CUBN: variants seen among roughly 807,000 people sequenced by gnomAD.
CUBN encodes 460 kDa receptor.
In CUBN, 282 loss-of-function variants were observed where a neutral mutation model predicts 405.3. The observed-to-expected ratio is 0.70, with a 90% CI of 0.63 to 0.77. The LOEUF is 0.77. Among genes scored for constraint, CUBN ranks in the 30% least tolerant of loss-of-function variants. The pLI is 0.00. For synonymous variants in CUBN, 1,684 were observed against 1,617.0 expected (o/e 1.04, Z -0.99); for missense variants, 4,514 against 4,475.2 (o/e 1.01, Z -0.25).
chr10:17,007,664 G>A (rs1021755558), intron 28 of CUBN, among the ~76,000 whole-genome samples: 3 of 152,132 alleles, frequency 2.0e-5, no homozygotes, highest in Non-Finnish European at 4.4e-5. Flanking sequence ...AAGGTGATAG[G>A]ATTCTGAGGA....
At chr10:17,055,096 G>A (rs1172128320) in intron 22 of CUBN, among the ~76,000 whole-genome samples, 1 of 152,028 alleles carries the variant, frequency 6.6e-6, no homozygotes, top group Non-Finnish European at 1.5e-5. Flanking sequence ...ACCAGGTGGA[G>A]TTCTGATGTA....
chr10:17,017,299 G>C (rs1010600650), intron 28 of CUBN, among the ~76,000 whole-genome samples: 4 of 152,128 alleles, frequency 2.6e-5, no homozygotes, highest in Non-Finnish European at 5.9e-5. Flanking sequence ...GTCAGATTTA[G>C]TGGCCCTTAT....
chr10:16,914,928 G>C, intron 47 of CUBN, 104 bp downstream of exon 47: 1 of 996,274 alleles, frequency 1.0e-6, no homozygotes, highest in Non-Finnish European at 1.5e-6. Flanking sequence ...GAAAATAGGG[G>C]TCATGTTTTG....
At chr10:16,840,573 A>G (rs1351640223) in intron 61 of CUBN, 38 bp from the exon 62 acceptor site, 2 of 1,465,292 alleles carry the variant, frequency 1.4e-6, no homozygotes, top group African/African-American at 1.4e-5. Context: ...GAGACATTTT[A>G]TTCATGTCTC....
intron 15 of CUBN, among the ~76,000 whole-genome samples, chr10:17,087,477 T>C (rs1836143926): frequency 1.0e-5 from 1 of 96,854 alleles, no homozygotes; most frequent in South Asian, 3.4e-4. Context: ...TTTTTCTTTT[T>C]TTTTTTTTTT....
rs753916162 is a variant in CUBN at position 16,990,194 on chromosome 10, C to T, written c.4350+140G>A. The T allele has an allele frequency of 4.4e-4, 375 of 850,074 alleles. 3 individuals carry two copies. Among genetic ancestry groups the T allele is most frequent in the Non-Finnish European group, 6.9e-4 (348 of 507,232 alleles). The allele number at this position is 850,074 out of a possible 1,614,324, so 52.7% of individuals were successfully genotyped here. A position where few individuals can be genotyped will look rare whatever the true frequency, so the allele number is the denominator to read the frequency against. ...ATTAATCCCATGTCTACCAAATGATCACCGAAGGGCTGATGCTCATTAAAA... is the reference window on the plus strand; with the variant it reads ...ATTAATCCCATGTCTACCAAATGATTACCGAAGGGCTGATGCTCATTAAAA... On this transcript the variant is annotated intron_variant, in intron 29 of 66. Coordinates refer to ENST00000377833, the MANE Select transcript of CUBN (RefSeq NM_001081.4).
In CUBN at chr10:17,085,626, C is replaced by A. The variant is rs140201182; in HGVS notation, c.2081G>T (p.Gly694Val). ...TGATGTTAAGTAGGTGATATGGAAG[C>A]CTTGGTCACTAATCTGGGAGTCTGA... The part of the protein sequence containing the change: ...FHSDSQISDQ[G>V]FHITYLTSPS... Residue 694 changes from glycine to valine, a missense_variant, in exon 16 of 67, where the codon GGC becomes GTC. Gly to Val is a moderately radical substitution (Grantham distance 109). This residue lies in a region of CUBN where 1,448 missense variants were observed against 1,388.0 expected (regional missense o/e 1.04). Coordinates refer to ENST00000377833, the MANE Select transcript of CUBN (RefSeq NM_001081.4). The A allele has an allele frequency of 1.9e-6, 3 of 1,614,102 alleles. No individual in the cohort carries two copies. Among genetic ancestry groups the A allele is most frequent in the Non-Finnish European group, 1.7e-6 (2 of 1,179,998 alleles).
At chr10:16,825,427 T>C (rs1026542996) in intron 66 of CUBN, among the ~76,000 whole-genome samples, 2 of 152,024 alleles carry the variant, frequency 1.3e-5, no homozygotes, top group Non-Finnish European at 2.9e-5. Flanking sequence ...AGGAGATGAA[T>C]TGGATGGTAT....
At chr10:17,022,610 C>G (rs1257035817) in intron 27 of CUBN, among the ~76,000 whole-genome samples, 1 of 152,134 alleles carries the variant, frequency 6.6e-6, no homozygotes, top group Non-Finnish European at 1.5e-5. Flanking sequence ...GGCGGAGAAA[C>G]CGGAGGGCGA....
intron 54 of CUBN, among the ~76,000 whole-genome samples, 167 bp from the exon 55 acceptor site, chr10:16,890,694 A>C (rs1270239097): frequency 6.6e-6 from 1 of 152,208 alleles, no homozygotes; most frequent in Non-Finnish European, 1.5e-5. Context: ...ATTTTTTTAA[A>C]GCTGTTTTTA....
In CUBN at chr10:17,048,227, C is replaced by T. The variant is rs191408113; in HGVS notation, c.3140-624G>A. ...AAGATAATGCATTACAAGGGCTTAG[C>T]CCATGATATGCACTCAGTAAATGGT... On this transcript the variant is annotated intron_variant, in intron 22 of 66. Coordinates refer to ENST00000377833, the MANE Select transcript of CUBN (RefSeq NM_001081.4). Among the ~76,000 whole-genome samples the T allele has an allele frequency of 2.0e-5, 3 of 152,340 alleles. No homozygotes were observed. In the East Asian group the frequency reaches 5.8e-4, roughly 29 times the overall value.
intron 26 of CUBN, among the ~76,000 whole-genome samples, chr10:17,043,235 T>A (rs1296643883): frequency 6.6e-6 from 1 of 152,174 alleles, no homozygotes; most frequent in Non-Finnish European, 1.5e-5. Context: ...AGTGTTCCTT[T>A]AATTCCATCA....
intron 41 of CUBN, among the ~76,000 whole-genome samples, chr10:16,926,552 G>A (rs1233114983): frequency 2.6e-5 from 4 of 152,046 alleles, no homozygotes; most frequent in Admixed American, 6.6e-5. Flanking sequence ...ATAGGTGCAC[G>A]GGCTAGGCTG....
chr10:17,020,847 G>A (rs1834478077), intron 27 of CUBN, among the ~76,000 whole-genome samples: 1 of 152,096 alleles, frequency 6.6e-6, no homozygotes, highest in Non-Finnish European at 1.5e-5. Flanking sequence ...ATAAATAGCT[G>A]TTTGATACTT....
At chr10:16,976,705 C>T (rs2942363) in intron 31 of CUBN, among the ~76,000 whole-genome samples, 2 of 151,682 alleles carry the variant, frequency 1.3e-5, no homozygotes, top group South Asian at 2.1e-4. Context: ...TTCTGAGTGT[C>T]CTCTATGTGT....
intron 28 of CUBN, among the ~76,000 whole-genome samples, chr10:17,018,383 T>TATGA: frequency 6.6e-6 from 1 of 152,226 alleles, no homozygotes; most frequent in South Asian, 2.1e-4. Context: ...TGGTGAGTGT[T>TATGA]ATAGTTCTTA....
chr10:16,906,904 A>G lies in CUBN; in HGVS notation c.7706-495T>C, dbSNP rs191611923. 3.9e-4 allele frequency among the ~76,000 whole-genome samples: 60 copies of G among 152,030 alleles called. 2 individuals are homozygous for G. The East Asian group carries it at 8.7e-3, about 22-fold the overall frequency. On this transcript the variant is annotated intron_variant, in intron 49 of 66. Transcript: ENST00000377833. The stretch of plus-strand genomic sequence containing the variant: ...ACTTAGCGTTTTTCTTTTAATATTC[A>G]CTCCCACTTCTAAATTTTAAAACTT...
chr10:16,903,693 GATAATTTTAAAATTTA>G (rs1391245378), intron 51 of CUBN, among the ~76,000 whole-genome samples: 3 of 145,258 alleles, frequency 2.1e-5, no homozygotes, highest in Non-Finnish European at 3.0e-5. Flanking sequence ...ATAATTATTG[GATAATTTTAAAATTTA>G]ATAATTTTAA....
intron 40 of CUBN, among the ~76,000 whole-genome samples, chr10:16,931,078 A>G (rs1842350030): frequency 6.6e-6 from 1 of 151,666 alleles, no homozygotes. Flanking sequence ...AACACAGTGA[A>G]ACCCCACCTC....
Sources: gnomAD v4.1 joint callset for allele counts (sites outside exome capture counted in the v4.1 genomes callset) on GRCh38, gnomAD v4.1.1 for gene constraint, gnomAD v4.1.1 regional missense constraint, MANE v1.5 for transcripts, NCBI Gene and HGNC (gene_info 2026-07-23, HGNC 2026-07-21) for gene names.